NOX4: variants seen among roughly 807,000 people sequenced by gnomAD.
NOX4 encodes the protein kidney oxidase-1.
A neutral mutation model predicts 87.6 loss-of-function variants in NOX4; 69 were observed. That is an observed-to-expected ratio of 0.79 (90% confidence interval 0.65 to 0.96). NOX4 has a LOEUF of 0.96. NOX4 is among the 40% of genes least tolerant of loss of function. The probability of loss-of-function intolerance (pLI) is 0.00; values close to 1 mark genes in which losing one functional copy is unlikely to be tolerated. For missense variants in NOX4, 680 were observed against 681.5 expected (o/e 1.00, Z 0.02); for synonymous variants, 275 against 238.2 (o/e 1.15, Z -1.42).
chr11:89,333,984 C>T (rs112377441), intron 17 of NOX4, among the ~76,000 whole-genome samples: 5 of 151,628 alleles, frequency 3.3e-5, no homozygotes, highest in African/African-American at 1.2e-4. Context: ...ACACACAAAT[C>T]GCTCTAAAAC....
At chr11:89,339,820 G>C (rs989694406) in intron 15 of NOX4, among the ~76,000 whole-genome samples, 3 of 152,008 alleles carry the variant, frequency 2.0e-5, no homozygotes, top group African/African-American at 7.2e-5. Context: ...ATGTTTCCAT[G>C]TTAAAATATA....
At chr11:89,466,331 T>C (rs1945692317) in intron 2 of NOX4, among the ~76,000 whole-genome samples, 1 of 152,246 alleles carries the variant, frequency 6.6e-6, no homozygotes, top group Non-Finnish European at 1.5e-5. Flanking sequence ...TTAAATATCC[T>C]ACTTAATAAA....
intron 2 of NOX4, among the ~76,000 whole-genome samples, chr11:89,467,402 T>A (rs968403094): frequency 1.3e-5 from 2 of 151,868 alleles, no homozygotes; most frequent in Non-Finnish European, 2.9e-5. Context: ...TTTATTTTAT[T>A]TTATTAGTGC....
the NOX4 span, among the ~76,000 whole-genome samples, chr11:89,528,077 G>A: frequency 6.6e-6 from 1 of 152,212 alleles, no homozygotes; most frequent in Non-Finnish European, 1.5e-5. Flanking sequence ...AACTGGATGT[G>A]AGACATGGAG....
At chr11:89,560,987 T>A in the NOX4 span, among the ~76,000 whole-genome samples, 1 of 78,360 alleles carries the variant, frequency 1.3e-5, no homozygotes, top group Non-Finnish European at 2.3e-5. Context: ...TCTCTCTCTC[T>A]CTCTCTCTCT....
the NOX4 span, among the ~76,000 whole-genome samples, chr11:89,584,303 T>C: frequency 1.3e-5 from 2 of 152,194 alleles, no homozygotes; most frequent in Non-Finnish European, 2.9e-5. Flanking sequence ...TGTGTTTCTG[T>C]ACCTCTGGAT....
chr11:89,377,541 T>C (rs900845096), intron 11 of NOX4, among the ~76,000 whole-genome samples: 11 of 152,162 alleles, frequency 7.2e-5, no homozygotes, highest in Admixed American at 5.9e-4. Context: ...AAATGACTAA[T>C]AATTTTATAA....
chr11:89,443,123 C>A (rs1944528642), intron 5 of NOX4, among the ~76,000 whole-genome samples: 1 of 152,070 alleles, frequency 6.6e-6, no homozygotes, highest in Non-Finnish European at 1.5e-5. Context: ...TGCCTGCCTC[C>A]CATCCAAGAC....
At chr11:89,527,701 T>C in the NOX4 span, among the ~76,000 whole-genome samples, 1 of 152,158 alleles carries the variant, frequency 6.6e-6, no homozygotes, top group Non-Finnish European at 1.5e-5. Flanking sequence ...AGAATTGATG[T>C]TTGGGAACCT....
In NOX4 at chr11:89,491,258, C is replaced by T. The variant is rs369834428; in HGVS notation, c.-12G>A. ...CAGGACACAGCCATGCCGCCGGCCC[C>T]GCCGCGCTGCGCTCTGTGCCCGCCG... On this transcript the variant is annotated 5_prime_UTR_variant, in exon 1 of 18. Coordinates refer to ENST00000263317, the MANE Select transcript of NOX4 (RefSeq NM_016931.5). The T allele has an allele frequency of 1.6e-5, 25 of 1,611,662 alleles. No individual in the cohort carries two copies. Among genetic ancestry groups the T allele is most frequent in the East Asian group, 2.2e-5 (1 of 44,784 alleles).
At chr11:89,486,561 T>C (rs907490731) in intron 2 of NOX4, among the ~76,000 whole-genome samples, 8 of 145,296 alleles carry the variant, frequency 5.5e-5, no homozygotes, top group African/African-American at 2.1e-4. Context: ...TATATATGTG[T>C]ATATATACAT....
At chr11:89,385,162 C>A (rs1315902623) in intron 11 of NOX4, among the ~76,000 whole-genome samples, 1 of 152,174 alleles carries the variant, frequency 6.6e-6, no homozygotes, top group East Asian at 1.9e-4. Context: ...ATATGCCTTC[C>A]ATATCCTGCA....
intron 12 of NOX4, among the ~76,000 whole-genome samples, chr11:89,371,089 C>T (rs1327689964): frequency 1.3e-5 from 2 of 151,942 alleles, no homozygotes; most frequent in Non-Finnish European, 2.9e-5. Flanking sequence ...TTAATCAATT[C>T]TTTTAGAATA....
chr11:89,450,021 T>A (rs1179834828), intron 3 of NOX4, among the ~76,000 whole-genome samples: 3 of 152,202 alleles, frequency 2.0e-5, no homozygotes, highest in Non-Finnish European at 2.9e-5. Context: ...TTGAAATGCC[T>A]GTTTGATCTT....
At chr11:89,471,316 T>G (rs373196396) in intron 2 of NOX4, among the ~76,000 whole-genome samples, 190 of 152,290 alleles carry the variant, frequency 1.2e-3, no homozygotes, top group South Asian at 9.3e-3. Flanking sequence ...AATGCATGGT[T>G]ATTAATAAAT....
At chr11:89,521,068 A>C in the NOX4 span, among the ~76,000 whole-genome samples, 1 of 152,198 alleles carries the variant, frequency 6.6e-6, no homozygotes, top group Admixed American at 6.5e-5. Flanking sequence ...AAAACATTTC[A>C]TGCCCATAGA....
chr11:89,383,750 A>G (rs767297982), intron 11 of NOX4, among the ~76,000 whole-genome samples: 12 of 152,084 alleles, frequency 7.9e-5, no homozygotes, highest in Non-Finnish European at 1.6e-4. Flanking sequence ...AGGATGAGAC[A>G]TTTTTACTAA....
chr11:89,480,325 C>T (rs1946342924), intron 2 of NOX4, among the ~76,000 whole-genome samples: 1 of 152,098 alleles, frequency 6.6e-6, no homozygotes, highest in South Asian at 2.1e-4. Context: ...GTCATGGCAC[C>T]ATGACTGGAG....
intron 7 of NOX4, among the ~76,000 whole-genome samples, chr11:89,425,995 A>T (rs150939215): frequency 6.6e-6 from 1 of 152,154 alleles, no homozygotes; most frequent in Non-Finnish European, 1.5e-5. Context: ...GTTCAGAAGC[A>T]TCAACACTAT....
Sources: gnomAD v4.1 joint callset for allele counts (sites outside exome capture counted in the v4.1 genomes callset) on GRCh38, gnomAD v4.1.1 for gene constraint, MANE v1.5 for transcripts, NCBI Gene and HGNC (gene_info 2026-07-23, HGNC 2026-07-21) for gene names.